The following QTGAL variants were observed in gnomAD, a reference collection of about 807,000 sequenced individuals.
QTGAL encodes BGnT-like protein 1.
the QTGAL span, among the ~76,000 whole-genome samples, chr17:83,015,045 C>T: frequency 4.0e-5 from 6 of 151,620 alleles, no homozygotes; most frequent in East Asian, 7.8e-4. This position sits in a 1 kb window ranked among gnomAD's most constrained non-coding sequence, Gnocchi z 4.4. Flanking sequence ...TTGAGGGGAC[C>T]GTCTGCGGTG....
At chr17:83,039,321 G>A in the QTGAL span, among the ~76,000 whole-genome samples, 2 of 56,750 alleles carry the variant, frequency 3.5e-5, no homozygotes, top group Non-Finnish European at 6.5e-5. Context: ...ACACACTGCT[G>A]GGCGCCCGCC....
At chr17:82,968,713 T>C in the QTGAL span, among the ~76,000 whole-genome samples, 3,243 of 151,974 alleles carry the variant, frequency 0.021, 132 homozygotes, top group African/African-American at 0.075. Flanking sequence ...AAAATTTGTC[T>C]TGTTGGCCGG....
the QTGAL span, among the ~76,000 whole-genome samples, chr17:82,974,765 C>G: frequency 6.6e-6 from 1 of 152,184 alleles, no homozygotes; most frequent in Non-Finnish European, 1.5e-5. Context: ...GGGTCCCCCC[C>G]ACAGCTTGGA....
the QTGAL span, among the ~76,000 whole-genome samples, chr17:82,996,430 G>A: frequency 1.3e-5 from 2 of 151,356 alleles, no homozygotes; most frequent in East Asian, 3.9e-4. Context: ...GCTGAGGCAG[G>A]AGAATCACTC....
the QTGAL span, chr17:82,956,962 C>A: frequency 1.1e-6 from 1 of 941,386 alleles, no homozygotes; most frequent in Non-Finnish European, 1.6e-6. This position sits in a 1 kb window ranked among gnomAD's most constrained non-coding sequence, Gnocchi z 5.7. Flanking sequence ...CCGCCTGACA[C>A]CCGACTGCAG....
At chr17:83,007,982 A>T in the QTGAL span, among the ~76,000 whole-genome samples, 1 of 148,194 alleles carries the variant, frequency 6.7e-6, no homozygotes, top group Non-Finnish European at 1.5e-5. Context: ...AGACAGACCA[A>T]CAGCGCCCAG....
chr17:82,985,470 A>G, the QTGAL span, among the ~76,000 whole-genome samples: 1 of 152,162 alleles, frequency 6.6e-6, no homozygotes, highest in East Asian at 1.9e-4. Flanking sequence ...AAGAGGACCT[A>G]CCTGATTTAT....
At chr17:83,018,936 T>C in the QTGAL span, among the ~76,000 whole-genome samples, 93 of 152,294 alleles carry the variant, frequency 6.1e-4, 1 homozygote, top group African/African-American at 2.2e-3. Context: ...GGGGCGGACA[T>C]GGGAGTGGCA....
At chr17:82,991,243 T>C in the QTGAL span, among the ~76,000 whole-genome samples, 2 of 152,154 alleles carry the variant, frequency 1.3e-5, no homozygotes, top group African/African-American at 4.8e-5. Context: ...GTGGCTGATA[T>C]GGTTTGGCTG....
At chr17:82,949,376 C>T in the QTGAL span, 8 of 152,188 alleles carry the variant, frequency 5.3e-5, no homozygotes, top group East Asian at 1.9e-4. Flanking sequence ...ATGAAACATC[C>T]ATATAATCGA....
At chr17:82,949,493 C>T in the QTGAL span, 3 of 152,168 alleles carry the variant, frequency 2.0e-5, no homozygotes, top group Non-Finnish European at 4.4e-5. Flanking sequence ...CCCTGAGACC[C>T]GCAAGCTGCT....
the QTGAL span, among the ~76,000 whole-genome samples, chr17:83,047,047 T>C: frequency 6.6e-6 from 1 of 152,180 alleles, no homozygotes; most frequent in Non-Finnish European, 1.5e-5. Flanking sequence ...AGGCGAGTGG[T>C]TGCCAGGGTT....
At chr17:82,964,874 CG>C in the QTGAL span, among the ~76,000 whole-genome samples, 152 of 68,514 alleles carry the variant, frequency 2.2e-3, 5 homozygotes, top group Non-Finnish European at 3.0e-3. Flanking sequence ...TGCACCCCCA[CG>C]GGGGGGACGG....
chr17:82,979,229 T>TA, the QTGAL span: 1 of 151,988 alleles, frequency 6.6e-6, no homozygotes, highest in Non-Finnish European at 1.5e-5. Flanking sequence ...CCAAGACTGA[T>TA]AAAAAAGTGA....
At chr17:83,000,429 G>C in the QTGAL span, among the ~76,000 whole-genome samples, 2 of 152,184 alleles carry the variant, frequency 1.3e-5, no homozygotes, top group Non-Finnish European at 2.9e-5. Flanking sequence ...ACTGCAGTGA[G>C]TTTTGTGCAG....
the QTGAL span, among the ~76,000 whole-genome samples, chr17:82,996,286 G>A: frequency 6.6e-6 from 1 of 152,166 alleles, no homozygotes; most frequent in Admixed American, 6.5e-5. Context: ...CACTTTGGGA[G>A]GCCAAGGCAG....
At chr17:82,964,133 T>G in the QTGAL span, among the ~76,000 whole-genome samples, 3 of 151,160 alleles carry the variant, frequency 2.0e-5, no homozygotes, top group Non-Finnish European at 4.4e-5. Context: ...CATGGTTGTG[T>G]GCACCTGTAG....
the QTGAL span, chr17:83,006,437 T>C: frequency 1.0e-6 from 1 of 984,994 alleles, no homozygotes; most frequent in South Asian, 4.7e-5. The surrounding 1 kb of genome is among the most constrained non-coding windows in gnomAD (Gnocchi z 5.8). Context: ...AAGAAACAAC[T>C]GTAGAGAGAC....
chr17:82,983,846 G>A, the QTGAL span, among the ~76,000 whole-genome samples: 1 of 152,232 alleles, frequency 6.6e-6, no homozygotes, highest in African/African-American at 2.4e-5. Flanking sequence ...ATTTGGAGAT[G>A]GGCTTTTAAG....
Sources: allele counts gnomAD v4.1 joint callset (sites outside exome capture counted in the v4.1 genomes callset), GRCh38; gene constraint gnomAD v4.1.1; non-coding constraint Gnocchi (gnomAD v3.1); transcripts MANE v1.5; gene names NCBI Gene and HGNC (gene_info 2026-07-23, HGNC 2026-07-21).